DNAJC5: variants seen among roughly 807,000 people sequenced by gnomAD.
The protein encoded by DNAJC5 is dnaJ homolog subfamily C member 5.
Under a neutral mutation model 23.2 loss-of-function variants are expected in DNAJC5, and 1 was observed. The ratio of observed to expected loss-of-function variants is 0.04; its 90% CI spans 0.02 to 0.20. The LOEUF is 0.20. Among genes scored for constraint, DNAJC5 ranks in the 10% least tolerant of loss-of-function variants. DNAJC5 has a pLI of 1.00. For missense variants in DNAJC5, 180 were observed against 267.0 expected, an observed-to-expected ratio of 0.67 and a Z score of 2.27; for synonymous variants, 136 against 120.0, an observed-to-expected ratio of 1.13 and a Z score of -0.87.
chr20:63,908,107 A>G (rs1238542831), intron 1 of DNAJC5, among the ~76,000 whole-genome samples: 4 of 152,142 alleles, frequency 2.6e-5, no homozygotes, highest in Non-Finnish European at 5.9e-5. Flanking sequence ...TTAGGGTTAA[A>G]TTGGTGCACC....
chr20:63,905,209 G>A (rs1299291355), intron 1 of DNAJC5, among the ~76,000 whole-genome samples: 2 of 150,658 alleles, frequency 1.3e-5, no homozygotes, highest in Non-Finnish European at 3.0e-5. Context: ...TCTGCTTCCC[G>A]GGTTCAAGTG....
rs544519365 is a variant in DNAJC5 at position 63,931,328 on chromosome 20, G to T, written c.494-137G>T. 2 of 927,334 alleles carry T rather than the reference G, an allele frequency of 2.2e-6. No individual in the cohort carries two copies. Among genetic ancestry groups the T allele is most frequent in the South Asian group, 1.4e-5 (1 of 70,928 alleles). The allele number at this position is 927,334 out of a possible 1,614,324, so 57.4% of individuals were successfully genotyped here. ...TGACCCAAGGCGACGGAGGAAAGCC[G>T]TGTGGGGTGGAGGTCAGCGAGTAGC... On this transcript the variant is annotated intron_variant, in intron 4 of 4. Transcript: ENST00000360864. This position sits in a 1 kb window ranked among gnomAD's most constrained non-coding sequence, Gnocchi z 9.6.
intron 1 of DNAJC5, among the ~76,000 whole-genome samples, chr20:63,922,282 T>C (rs1331602608): frequency 6.6e-6 from 1 of 150,988 alleles, no homozygotes; most frequent in Non-Finnish European, 1.5e-5. Flanking sequence ...GCCAACATGG[T>C]GAAGCCCATC....
intron 1 of DNAJC5, among the ~76,000 whole-genome samples, chr20:63,907,553 G>A (rs2053455684): frequency 6.6e-6 from 1 of 152,124 alleles, no homozygotes; most frequent in Non-Finnish European, 1.5e-5. Context: ...GGTGACCCCA[G>A]AGCTACCCTC....
intron 1 of DNAJC5, among the ~76,000 whole-genome samples, chr20:63,913,098 G>GGC (rs1483036882): frequency 6.6e-6 from 1 of 151,984 alleles, no homozygotes; most frequent in African/African-American, 2.4e-5. Flanking sequence ...TGTCTGCACT[G>GGC]TCTCTCCCAG....
rs566153307 is a variant in DNAJC5 at position 63,932,067 on chromosome 20, A to C, written c.*499A>C. On this transcript the variant is annotated 3_prime_UTR_variant, in exon 5 of 5. Coordinates refer to ENST00000360864, the MANE Select transcript of DNAJC5 (RefSeq NM_025219.3). The surrounding 1 kb of genome is among the most constrained non-coding windows in gnomAD (Gnocchi z 4.4). ...TCTGTGCTCCCAGCCTTGAGGCTGC[A>C]GTAGGACTCTGATCTCACCTGCCAG... The C allele has an allele frequency of 4.2e-6, 1 of 240,280 alleles. No homozygotes were observed. The highest frequency in any genetic ancestry group is 2.2e-5 in the African/African-American group (1 of 44,500). The allele number at this position is 240,280 out of a possible 1,614,324, so 14.9% of individuals were successfully genotyped here.
intron 1 of DNAJC5, among the ~76,000 whole-genome samples, chr20:63,922,506 C>T (rs1207453672): frequency 2.6e-5 from 4 of 151,870 alleles, no homozygotes; most frequent in Admixed American, 2.6e-4. Flanking sequence ...GGGTTGGCTC[C>T]TGTGATCTCG....
intron 1 of DNAJC5, among the ~76,000 whole-genome samples, chr20:63,918,886 G>A (rs1049755161): frequency 6.6e-6 from 1 of 152,184 alleles, no homozygotes; most frequent in South Asian, 2.1e-4. Context: ...GAGCCACCAC[G>A]CCCGGCTGAT....
intron 1 of DNAJC5, among the ~76,000 whole-genome samples, chr20:63,902,681 T>TG (rs2053422026): frequency 6.9e-6 from 1 of 145,278 alleles, no homozygotes; most frequent in Admixed American, 6.8e-5. Flanking sequence ...TCTTGTTTTT[T>TG]TTTTTTTTTT....
At chr20:63,922,314 T>A (rs554903176) in intron 1 of DNAJC5, among the ~76,000 whole-genome samples, 1 of 151,450 alleles carries the variant, frequency 6.6e-6, no homozygotes, top group African/African-American at 2.4e-5. Flanking sequence ...TACAAAAAAA[T>A]TAGCTGGGTG....
chr20:63,926,095 TG>T (rs1405365473), intron 1 of DNAJC5, among the ~76,000 whole-genome samples: 1 of 152,240 alleles, frequency 6.6e-6, no homozygotes, highest in African/African-American at 2.4e-5. Flanking sequence ...CCCAAAGTGC[TG>T]GGATTACAGG....
At chr20:63,901,435 T>A (rs2053411092) in intron 1 of DNAJC5, among the ~76,000 whole-genome samples, 1 of 152,174 alleles carries the variant, frequency 6.6e-6, no homozygotes, top group African/African-American at 2.4e-5. Flanking sequence ...TTTCACCAGG[T>A]AGGGTGGAAA....
intron 1 of DNAJC5, among the ~76,000 whole-genome samples, chr20:63,905,002 A>G (rs1366509781): frequency 1.3e-5 from 2 of 149,122 alleles, no homozygotes; most frequent in African/African-American, 2.5e-5. Flanking sequence ...CGGGGGTTTC[A>G]CCATGTTGGC....
At chr20:63,901,587 C>A (rs903776384) in intron 1 of DNAJC5, among the ~76,000 whole-genome samples, 4 of 152,250 alleles carry the variant, frequency 2.6e-5, no homozygotes, top group Non-Finnish European at 5.9e-5. Flanking sequence ...AGGCCAGAGG[C>A]CTCTACCCCG....
At chr20:63,898,081 G>A (rs555048523) in intron 1 of DNAJC5, among the ~76,000 whole-genome samples, 2 of 152,266 alleles carry the variant, frequency 1.3e-5, no homozygotes, top group South Asian at 4.1e-4. Context: ...GTTAACAATC[G>A]TCAGAGCTGG....
intron 1 of DNAJC5, among the ~76,000 whole-genome samples, chr20:63,912,765 G>A (rs771407409): frequency 6.6e-6 from 1 of 152,110 alleles, no homozygotes; most frequent in Non-Finnish European, 1.5e-5. Context: ...CTGCCACCAC[G>A]TCCAGCTAAT....
rs1332459112 is a variant in DNAJC5, at chr20:63,920,122, G to A, written c.-11-8213G>A. Among the ~76,000 whole-genome samples the A allele has an allele frequency of 1.4e-5, 2 of 144,592 alleles. No homozygotes were observed. The highest frequency in any genetic ancestry group is 3.0e-5 in the Non-Finnish European group (2 of 65,690). 94.9% of individuals were successfully genotyped at this position (144,592 alleles called of 152,430 possible). On this transcript the variant is annotated intron_variant, in intron 1 of 4. Transcript: ENST00000360864. This position sits in a 1 kb window ranked among gnomAD's most constrained non-coding sequence, Gnocchi z 4.6. The stretch of plus-strand genomic sequence containing the variant: ...ACATGTGCCCAGGGCCCGGGACAGC[G>A]CCACGGAAGAGGACGCACAGGACAG...
In DNAJC5 at chr20:63,931,419, G is replaced by T. The variant is rs374417698; in HGVS notation, c.494-46G>T. The T allele has an allele frequency of 4.0e-6, 6 of 1,512,488 alleles. No homozygotes were observed. The African/African-American group carries it at 6.9e-5, about 17-fold the overall frequency. 93.7% of individuals were successfully genotyped at this position (1,512,488 alleles called of 1,614,324 possible). On this transcript the variant is annotated intron_variant, in intron 4 of 4. Transcript: ENST00000360864. The surrounding 1 kb of genome is among the most constrained non-coding windows in gnomAD (Gnocchi z 9.6). ...TCCACAGGACCAGCGTTGGGTGCGC[G>T]CCAGGCTGTGGCCCTCGTGCAGTGC...
At chr20:63,930,073 A>G (rs1056936420) in intron 3 of DNAJC5, among the ~76,000 whole-genome samples, 1 of 152,206 alleles carries the variant, frequency 6.6e-6, no homozygotes, top group African/African-American at 2.4e-5. Context: ...TTTGTTCCAA[A>G]TGTCATATAT....
Sources: allele counts gnomAD v4.1 joint callset (sites outside exome capture counted in the v4.1 genomes callset), GRCh38; gene constraint gnomAD v4.1.1; non-coding constraint Gnocchi (gnomAD v3.1); transcripts MANE v1.5; gene names NCBI Gene and HGNC (gene_info 2026-07-23, HGNC 2026-07-21).